Variants in UNC13B observed in about 807,000 individuals in gnomAD.
UNC13B encodes the protein protein unc-13 homolog B.
In UNC13B, 144 loss-of-function variants were observed where a neutral mutation model predicts 211.0. That is an observed-to-expected ratio of 0.68 (90% confidence interval 0.60 to 0.78). The LOEUF (loss-of-function observed/expected upper bound fraction) is 0.78. Among genes scored for constraint, UNC13B ranks in the 30% least tolerant of loss-of-function variants. The pLI is 0.00. For synonymous variants in UNC13B, 709 were observed against 725.8 expected (o/e 0.98, Z 0.37); for missense variants, 1,777 against 2,002.0 (o/e 0.89, Z 2.14).
chr9:35,333,956 T>G (rs1005468963), intron 11 of UNC13B, among the ~76,000 whole-genome samples: 1 of 131,014 alleles, frequency 7.6e-6, no homozygotes, highest in Non-Finnish European at 1.6e-5. Context: ...ATATTCATTT[T>G]TTTGTTTGTT....
intron 5 of UNC13B, among the ~76,000 whole-genome samples, chr9:35,243,043 A>G (rs1272610873): frequency 6.6e-6 from 1 of 152,192 alleles, no homozygotes; most frequent in Non-Finnish European, 1.5e-5. Context: ...GACCCTGACC[A>G]GATTATTTTA....
intron 3 of UNC13B, among the ~76,000 whole-genome samples, chr9:35,236,227 G>A (rs10814215): frequency 0.25 from 37,628 of 151,882 alleles, 4,965 homozygotes; most frequent in East Asian, 0.4. Context: ...CTAACTGGAG[G>A]CACTATGTGG....
chr9:35,389,037 G>T (rs1835359473), intron 24 of UNC13B, among the ~76,000 whole-genome samples: 1 of 152,192 alleles, frequency 6.6e-6, no homozygotes, highest in Admixed American at 6.5e-5. Flanking sequence ...TAAGGACTGT[G>T]GAAGCTTTCC....
intron 13 of UNC13B, among the ~76,000 whole-genome samples, chr9:35,371,736 G>C (rs1394764558): frequency 1.3e-5 from 2 of 152,012 alleles, no homozygotes; most frequent in Non-Finnish European, 2.9e-5. Context: ...ATACTCCTTA[G>C]AGTAGGTGCT....
intron 11 of UNC13B, among the ~76,000 whole-genome samples, chr9:35,316,018 A>G (rs1424926669): frequency 6.6e-6 from 1 of 152,186 alleles, no homozygotes. Flanking sequence ...TGCATTGGCC[A>G]GGTTTCTCCA....
At chr9:35,198,649 T>G (rs774426238) in intron 1 of UNC13B, among the ~76,000 whole-genome samples, 2 of 151,916 alleles carry the variant, frequency 1.3e-5, no homozygotes, top group Admixed American at 1.3e-4. Context: ...CAGAAGAAGA[T>G]AGAAGGATGA....
chr9:35,387,292 A>G (rs1470104211), intron 24 of UNC13B, among the ~76,000 whole-genome samples: 1 of 152,210 alleles, frequency 6.6e-6, no homozygotes, highest in Non-Finnish European at 1.5e-5. Flanking sequence ...AGGACAACCT[A>G]AATGTCTTGG....
At chr9:35,272,212 G>GT (rs55638252) in intron 7 of UNC13B, among the ~76,000 whole-genome samples, 88,223 of 137,182 alleles carry the variant, frequency 0.64, 28,103 homozygotes, top group Middle Eastern at 0.77. Flanking sequence ...TAATTTTTTT[G>GT]TTTTTTTTTT....
At chr9:35,288,608 G>A (rs756553652) in intron 7 of UNC13B, among the ~76,000 whole-genome samples, 12 of 152,116 alleles carry the variant, frequency 7.9e-5, no homozygotes, top group Admixed American at 4.6e-4. Flanking sequence ...TATTTAAACC[G>A]GTGTAATTTA....
chr9:35,198,608 A>T (rs749347636), intron 1 of UNC13B, among the ~76,000 whole-genome samples: 1 of 152,200 alleles, frequency 6.6e-6, no homozygotes. Flanking sequence ...GAACTGGGTA[A>T]TGGGCAGAGG....
chr9:35,163,696 T>C (rs189142708), intron 1 of UNC13B, among the ~76,000 whole-genome samples: 1 of 152,372 alleles, frequency 6.6e-6, no homozygotes, highest in African/African-American at 2.4e-5. Context: ...GCAGGAGCAC[T>C]CGTGAATCAG....
intron 6 of UNC13B, among the ~76,000 whole-genome samples, chr9:35,245,191 T>A (rs185044270): frequency 1.3e-5 from 2 of 152,272 alleles, no homozygotes; most frequent in East Asian, 3.9e-4. Context: ...GGCTTTGCTC[T>A]GTGTCATTAT....
chr9:35,268,511 C>A (rs1020210553), intron 7 of UNC13B, among the ~76,000 whole-genome samples: 6 of 151,980 alleles, frequency 3.9e-5, no homozygotes, highest in African/African-American at 1.4e-4. Context: ...CCTAGCTACT[C>A]GGGAGGCTGA....
intron 3 of UNC13B, among the ~76,000 whole-genome samples, chr9:35,232,707 T>C (rs944390985): frequency 2.6e-5 from 4 of 152,018 alleles, no homozygotes; most frequent in Non-Finnish European, 5.9e-5. Flanking sequence ...ATAGGACAGA[T>C]AGGAAGGATG....
In UNC13B at chr9:35,306,866, T is replaced by A; in HGVS notation, c.7462T>A (p.Ser2488Thr). The A allele has an allele frequency of 2.5e-6, 1 of 399,004 alleles. No homozygotes were observed. Among genetic ancestry groups the A allele is most frequent in the Non-Finnish European group, 4.4e-6 (1 of 226,046 alleles). The allele number at this position is 399,004 out of a possible 1,614,324, so 24.7% of individuals were successfully genotyped here. ...TLSGLFSSPKSPKKNSFFSLA... is the reference protein window; with the variant it reads ...TLSGLFSSPKTPKKNSFFSLA... ...CTCTGGACTTTTCTCCTCTCCTAAA[T>A]CTCCAAAGAAAAACTCCTTTTTCTC... is the stretch of plus-strand genomic sequence containing the variant. Residue 2488 changes from serine to threonine, a missense_variant, in exon 9 of 40, where the codon TCT becomes ACT. Physicochemically the swap from Ser to Thr is moderately conservative, Grantham distance 58. Coordinates refer to ENST00000635942, the MANE Select transcript of UNC13B (RefSeq NM_001371189.2).
At chr9:35,352,925 A>T in intron 11 of UNC13B, 1 of 1,232,202 alleles carries the variant, frequency 8.1e-7, no homozygotes. Context: ...CTGCCACGAT[A>T]AAAGTGAGGC....
At chr9:35,329,546 G>C (rs544783460) in intron 11 of UNC13B, among the ~76,000 whole-genome samples, 205 of 151,120 alleles carry the variant, frequency 1.4e-3, no homozygotes, top group African/African-American at 4.7e-3. Flanking sequence ...GGAGTGCAGT[G>C]GTGCGATCTT....
rs772290076 is a variant in UNC13B at position 35,237,733 on chromosome 9, G to A, written c.301G>A (p.Ala101Thr). The change falls in exon 5 of 40, where the codon GCA becomes ACA. Residue 101 changes from alanine to threonine, a missense_variant. Physicochemically the swap from Ala to Thr is moderately conservative, Grantham distance 58. Transcript: ENST00000635942. ...GCCTGGGGAATGGTCCACATTAGAG[G>A]CAGAGACGTTAATGAAAGACGATGA... ...EGPGEWSTLE[A>T]ETLMKDDEIC... 5 of 1,613,866 alleles carry A rather than the reference G, an allele frequency of 3.1e-6. No individual in the cohort carries two copies. The highest frequency in any genetic ancestry group is 2.5e-6 in the Non-Finnish European group (3 of 1,179,936).
intron 7 of UNC13B, among the ~76,000 whole-genome samples, chr9:35,276,498 C>T (rs763728447): frequency 7.9e-5 from 12 of 152,094 alleles, no homozygotes; most frequent in Non-Finnish European, 1.5e-4. Flanking sequence ...CAGTTTATGT[C>T]CATAGAATAT....
Sources: gnomAD v4.1 joint callset for allele counts (sites outside exome capture counted in the v4.1 genomes callset) on GRCh38, gnomAD v4.1.1 for gene constraint, MANE v1.5 for transcripts, NCBI Gene and HGNC (gene_info 2026-07-23, HGNC 2026-07-21) for gene names.